The following SH3BP5 variants were observed in gnomAD, a reference collection of about 807,000 sequenced individuals.
SH3BP5 encodes the protein SH3 domain binding protein 5.
Under a neutral mutation model 43.3 loss-of-function variants are expected in SH3BP5, and 22 were observed. The ratio of observed to expected loss-of-function variants is 0.51; its 90% CI spans 0.36 to 0.73. The LOEUF (loss-of-function observed/expected upper bound fraction) is 0.73. Among genes scored for constraint, SH3BP5 ranks in the 30% least tolerant of loss-of-function variants. SH3BP5 has a pLI of 0.00. For missense variants in SH3BP5, 529 were observed against 586.9 expected (o/e 0.90, Z 1.02); for synonymous variants, 255 against 225.8 (o/e 1.13, Z -1.16).
intron 3 of SH3BP5, among the ~76,000 whole-genome samples, chr3:15,291,756 C>T (rs530912461): frequency 6.6e-6 from 1 of 152,284 alleles, no homozygotes; most frequent in Non-Finnish European, 1.5e-5. Flanking sequence ...GCAGGGTATT[C>T]CAAGCTATGG....
rs766950499 is a variant in SH3BP5 at position 15,256,249 on chromosome 3, C to T, written c.1205G>A (p.Arg402Gln). 35 of 1,614,060 alleles carry T rather than the reference C, an allele frequency of 2.2e-5. No individual in the cohort carries two copies. The Middle Eastern group carries it at 4.9e-4, about 23-fold the overall frequency. Residue 402 changes from arginine to glutamine, a missense_variant, in exon 9 of 9, where the codon CGG becomes CAG. By Grantham distance (43) the Arg-to-Gln change is conservative. Around this residue, in one of 3 missense-constraint regions of SH3BP5, gnomAD observed 369 missense variants for 384.3 expected, o/e 0.96. Transcript: ENST00000383791. ...NKTSDKANNN[R>Q]GLSSSSGSGG... ...ACTGCCACTGCTACTGCTGAGGCCC[C>T]GGTTGTTGTTGGCTTTGTCACTTGT... is the stretch of plus-strand genomic sequence containing the variant.
Position 15,262,217 on chromosome 3 carries a change from C to A in SH3BP5, c.568G>T (p.Ala190Ser), listed in dbSNP as rs141568822. Residue 190 changes from alanine to serine, a missense_variant, in exon 5 of 9, where the codon GCC (alanine) becomes TCC (serine). Ala to Ser is a moderately conservative substitution (Grantham distance 99). Transcript: ENST00000383791. ...TCCAGCTGTCGCATGCGGCCCATGG[C>A]GGCATTGTACCTGGCTGCCGTCTCC... Reference protein sequence around the residue: ...HKETAARYNAAMGRMRQLEKK... With the variant: ...HKETAARYNASMGRMRQLEKK... 2.5e-6 allele frequency: 4 copies of A among 1,614,124 alleles called. No homozygotes were observed. The South Asian group carries it at 4.4e-5, about 18-fold the overall frequency.
intron 2 of SH3BP5, among the ~76,000 whole-genome samples, chr3:15,313,914 C>T (rs113680243): frequency 0.028 from 4,239 of 152,112 alleles, 73 homozygotes; most frequent in South Asian, 0.079. Context: ...CCAGGCTGGG[C>T]AACATAATGA....
Position 15,289,617 on chromosome 3 carries a change from A to C in SH3BP5, c.330+14486T>G, listed in dbSNP as rs112777150. Among the ~76,000 whole-genome samples the C allele has an allele frequency of 7.3e-4, 111 of 152,340 alleles. 2 individuals carry two copies. Among genetic ancestry groups the C allele is most frequent in the African/African-American group, 1.9e-3 (78 of 41,570 alleles). On this transcript the variant is annotated intron_variant, in intron 3 of 8. Coordinates refer to ENST00000383791, the MANE Select transcript of SH3BP5 (RefSeq NM_004844.5). ...TGAGTTCTGTTGCTTACGATCAAAC[A>C]TAATTCCTAACTGATAGATGATACA... is the stretch of plus-strand genomic sequence containing the variant.
chr3:15,337,353 G>A (rs1380602042), upstream of SH3BP5, among the ~76,000 whole-genome samples: 1 of 152,030 alleles, frequency 6.6e-6, no homozygotes, highest in Admixed American at 6.6e-5. Flanking sequence ...GGGATTACAG[G>A]CGAGAGCCAC....
At chr3:15,269,524 CTG>C (rs1174816178) in intron 4 of SH3BP5, among the ~76,000 whole-genome samples, 187 bp downstream of exon 4, 2 of 152,244 alleles carry the variant, frequency 1.3e-5, no homozygotes, top group Non-Finnish European at 2.9e-5. Context: ...CGGAGAGACA[CTG>C]TGACTCATTC....
At chr3:15,339,826 A>G (rs1698742282) in intron 1 of SH3BP5, 1 of 151,832 alleles carries the variant, frequency 6.6e-6, no homozygotes, top group Admixed American at 6.6e-5. Flanking sequence ...CAACCATGAC[A>G]TGCAAATTTG....
chr3:15,336,692 T>C (rs1055054085), upstream of SH3BP5, among the ~76,000 whole-genome samples: 5 of 152,158 alleles, frequency 3.3e-5, no homozygotes, highest in Non-Finnish European at 7.4e-5. Context: ...GACCCACCTA[T>C]GGTTTGAGAG....
intron 4 of SH3BP5, among the ~76,000 whole-genome samples, chr3:15,265,544 A>ACACACACACACAC (rs1696609894): frequency 1.4e-5 from 2 of 142,810 alleles, no homozygotes; most frequent in African/African-American, 5.0e-5. Context: ...ACACACACAC[A>ACACACACACACAC]CACACACACA....
chr3:15,338,865 G>A (rs1164708879), intron 1 of SH3BP5, among the ~76,000 whole-genome samples: 6 of 152,122 alleles, frequency 3.9e-5, no homozygotes, highest in Non-Finnish European at 7.4e-5. Context: ...ATTAACCTCA[G>A]AACCCTATTG....
intron 3 of SH3BP5, among the ~76,000 whole-genome samples, chr3:15,279,926 G>A (rs187163523): frequency 1.4e-4 from 21 of 152,246 alleles, no homozygotes; most frequent in Admixed American, 2.6e-4. Flanking sequence ...AGGAAGCACC[G>A]GTTCCTCTGC....
At chr3:15,295,343 C>T (rs1475917926) in intron 3 of SH3BP5, among the ~76,000 whole-genome samples, 1 of 152,214 alleles carries the variant, frequency 6.6e-6, no homozygotes, top group Non-Finnish European at 1.5e-5. Flanking sequence ...AATGAGCTAC[C>T]TGATACATAC....
chr3:15,261,145 T>C (rs1696422795), intron 5 of SH3BP5, among the ~76,000 whole-genome samples: 2 of 152,168 alleles, frequency 1.3e-5, no homozygotes, highest in Non-Finnish European at 2.9e-5. Context: ...CATATACACG[T>C]CTACTACTTA....
chr3:15,262,587 C>CAG (rs1696489707), intron 4 of SH3BP5, among the ~76,000 whole-genome samples: 1 of 152,052 alleles, frequency 6.6e-6, no homozygotes, highest in African/African-American at 2.4e-5. Flanking sequence ...AACCCGGAGG[C>CAG]AGAGGTTGCA....
rs1232053211 is a variant in SH3BP5, at chr3:15,256,963, A to G, written c.1040T>C (p.Leu347Pro). Residue 347 changes from leucine (L) to proline (P), a missense_variant, in exon 8 of 9, where the codon CTG (leucine) becomes CCG (proline). By Grantham distance (98) the Leu-to-Pro change is moderately conservative (BLOSUM62 -3). This residue lies in a region of SH3BP5 where 369 missense variants were observed against 384.3 expected (regional missense o/e 0.96). Coordinates refer to ENST00000383791, the MANE Select transcript of SH3BP5 (RefSeq NM_004844.5). ...CAGGGACACAGGGCTGGGCAGATCC[A>G]GGCTGCCAGGCCTCACAACCGCAGG... ...QFPAVVRPGS[L>P]DLPSPVSLSE... 2 of 1,614,234 alleles carry G rather than the reference A, an allele frequency of 1.2e-6. No individual in the cohort carries two copies. The highest frequency in any genetic ancestry group is 1.6e-4 in the Middle Eastern group (1 of 6,062).
exon 1 of SH3BP5, chr3:15,341,223 C>T (rs1359394296): frequency 6.6e-6 from 1 of 152,536 alleles, no homozygotes; most frequent in African/African-American, 2.4e-5. Flanking sequence ...CCTCGCTCAC[C>T]CTCTGGCACC....
At chr3:15,322,575 T>C (rs1698356892) in intron 2 of SH3BP5, among the ~76,000 whole-genome samples, 1 of 151,964 alleles carries the variant, frequency 6.6e-6, no homozygotes. Flanking sequence ...TGGCGGCTCA[T>C]GCCTGTAATC....
At chr3:15,262,436 G>C in intron 4 of SH3BP5, 147 bp from the exon 5 acceptor site, 1 of 916,642 alleles carries the variant, frequency 1.1e-6, no homozygotes. Flanking sequence ...AAGGTGGGTG[G>C]ATCACGAGGT....
chr3:15,327,766 G>A (rs1698500657), intron 2 of SH3BP5, among the ~76,000 whole-genome samples: 1 of 152,216 alleles, frequency 6.6e-6, no homozygotes, highest in Non-Finnish European at 1.5e-5. Flanking sequence ...ATCCCACCTG[G>A]CTCCTTTGTG....
Sources: gnomAD v4.1 joint callset for allele counts (sites outside exome capture counted in the v4.1 genomes callset) on GRCh38, gnomAD v4.1.1 for gene constraint, gnomAD v4.1.1 regional missense constraint, MANE v1.5 for transcripts, NCBI Gene and HGNC (gene_info 2026-07-23, HGNC 2026-07-21) for gene names.